TNRC6A: variants seen among roughly 807,000 people sequenced by gnomAD.
TNRC6A encodes trinucleotide repeat-containing gene 6A protein.
A neutral mutation model predicts 221.2 loss-of-function variants in TNRC6A; 44 were observed. That is an observed-to-expected ratio of 0.20 (90% confidence interval 0.16 to 0.26). TNRC6A has a LOEUF of 0.26. Ranked by LOEUF, TNRC6A falls within the 10% of genes least tolerant of loss-of-function variation. The probability of loss-of-function intolerance (pLI) is 1.00; values close to 1 mark genes in which losing one functional copy is unlikely to be tolerated. For missense variants in TNRC6A, 2,199 were observed against 2,404.4 expected, an observed-to-expected ratio of 0.91 and a Z score of 1.79; for synonymous variants, 847 against 838.5, an observed-to-expected ratio of 1.01 and a Z score of -0.18.
chr16:24,693,594 C>T (rs2055798999), intron 2 of TNRC6A, among the ~76,000 whole-genome samples: 1 of 150,308 alleles, frequency 6.7e-6, no homozygotes. Context: ...TCTCAAAATA[C>T]ATAAACAAAT....
intron 5 of TNRC6A, among the ~76,000 whole-genome samples, chr16:24,779,161 T>C (rs1296203757): frequency 3.3e-5 from 5 of 152,112 alleles, no homozygotes; most frequent in Non-Finnish European, 7.4e-5. Context: ...GGTGTGGGCA[T>C]AGGAAGAAGC....
intron 8 of TNRC6A, among the ~76,000 whole-genome samples, chr16:24,795,197 C>T (rs1381187205): frequency 6.6e-6 from 1 of 152,166 alleles, no homozygotes; most frequent in African/African-American, 2.4e-5. Context: ...ATGATCTGAG[C>T]TTGGTTTTGC....
intron 15 of TNRC6A, 74 bp from the exon 16 acceptor site, chr16:24,806,132 C>A: frequency 1.9e-6 from 3 of 1,553,340 alleles, no homozygotes; most frequent in South Asian, 1.2e-5. Context: ...GTAGGTCCAT[C>A]TGCTGTCGTC....
chr16:24,790,108 A>G lies in TNRC6A; in HGVS notation c.1466A>G (p.Asn489Ser), dbSNP rs139616829. Residue 489 changes from asparagine to serine, a missense_variant, in exon 6 of 25, where the codon AAT becomes AGT. This residue lies in a region of TNRC6A where 1,405 missense variants were observed against 1,400.2 expected (regional missense o/e 1.00). Coordinates refer to ENST00000395799, the MANE Select transcript of TNRC6A (RefSeq NM_014494.4). ...GGGGCCTGGCGTGTGAGCACAATGA[A>G]TCATCCTCAGATGCAGGCTCCATCA... ...NTGAWRVSTMNHPQMQAPSGM... is the reference protein window; with the variant it reads ...NTGAWRVSTMSHPQMQAPSGM... 31 of 1,614,188 alleles carry G rather than the reference A, an allele frequency of 1.9e-5. No individual in the cohort carries two copies. In the African/African-American group the frequency reaches 3.6e-4, roughly 19 times the overall value.
intron 2 of TNRC6A, among the ~76,000 whole-genome samples, chr16:24,735,279 G>T (rs542114652): frequency 6.6e-6 from 1 of 152,194 alleles, no homozygotes; most frequent in South Asian, 2.1e-4. Flanking sequence ...ACTCTGTTTC[G>T]AAAGAAAGAA....
intron 1 of TNRC6A, among the ~76,000 whole-genome samples, chr16:24,610,738 T>C (rs1465461728): frequency 6.6e-6 from 1 of 151,998 alleles, no homozygotes; most frequent in African/African-American, 2.4e-5. Context: ...TCCGAGCCTC[T>C]CCTCTCTCTA....
intron 3 of TNRC6A, among the ~76,000 whole-genome samples, chr16:24,752,489 A>G (rs1432739331): frequency 6.6e-6 from 1 of 152,078 alleles, no homozygotes; most frequent in Non-Finnish European, 1.5e-5. Flanking sequence ...ATGCATAGGT[A>G]TATGCCATGG....
At chr16:24,611,430 T>C (rs1368213132) in intron 1 of TNRC6A, among the ~76,000 whole-genome samples, 1 of 152,126 alleles carries the variant, frequency 6.6e-6, no homozygotes, top group Non-Finnish European at 1.5e-5. Context: ...GTTTCTTGGC[T>C]CCACACCCCA....
chr16:24,660,258 G>A (rs1300706737), intron 2 of TNRC6A, among the ~76,000 whole-genome samples: 3 of 151,934 alleles, frequency 2.0e-5, no homozygotes, highest in Admixed American at 6.6e-5. Flanking sequence ...AGTCCCCAAA[G>A]TCCCTTGTGT....
upstream of TNRC6A, among the ~76,000 whole-genome samples, chr16:24,724,985 G>A (rs2056468462): frequency 6.6e-6 from 1 of 152,070 alleles, no homozygotes; most frequent in Non-Finnish European, 1.5e-5. Flanking sequence ...AGTAAGAGAA[G>A]GAGGAGAAGT....
chr16:24,825,982 C>G lies in TNRC6A; in HGVS notation c.*2175C>G, dbSNP rs1445964771. 1 of 152,656 alleles carries G rather than the reference C, an allele frequency of 6.6e-6. No homozygotes were observed. Among genetic ancestry groups the G allele is most frequent in the Non-Finnish European group, 1.5e-5 (1 of 68,052 alleles). 9.5% of individuals were successfully genotyped at this position (152,656 alleles called of 1,614,324 possible). ...TGAGCTAATGTTGTCGGACACCTTACTATAAGCAAATGTTATTCAGTGCGT... is the reference window on the plus strand; with the variant it reads ...TGAGCTAATGTTGTCGGACACCTTAGTATAAGCAAATGTTATTCAGTGCGT... On this transcript the variant is annotated 3_prime_UTR_variant, in exon 25 of 25. Transcript: ENST00000395799.
chr16:24,756,772 C>T (rs995254485), intron 3 of TNRC6A, among the ~76,000 whole-genome samples: 2 of 152,098 alleles, frequency 1.3e-5, no homozygotes, highest in Non-Finnish European at 2.9e-5. Flanking sequence ...GGATAACAGG[C>T]GTGAGCTGCA....
chr16:24,804,476 C>T (rs941066467), intron 12 of TNRC6A, 157 bp downstream of exon 12: 2 of 1,102,710 alleles, frequency 1.8e-6, no homozygotes, highest in African/African-American at 3.2e-5. Context: ...CTTTTTATGT[C>T]TCAATTTATC....
At chr16:24,664,526 A>AAT (rs945633005) in intron 2 of TNRC6A, among the ~76,000 whole-genome samples, 1 of 143,232 alleles carries the variant, frequency 7.0e-6, no homozygotes, top group Non-Finnish European at 1.5e-5. Context: ...TAATAAATAT[A>AAT]ATATATATAT....
chr16:24,781,043 C>CTTTTTTTTTTTTTTTTTTTTTT (rs35502747), intron 5 of TNRC6A, among the ~76,000 whole-genome samples: 2 of 53,426 alleles, frequency 3.7e-5, no homozygotes, highest in African/African-American at 1.8e-4. Context: ...CCTCCATACT[C>CTTTTTTTTTTTTTTTTTTTTTT]TTTTTTTTTT....
chr16:24,819,729 G>C, intron 21 of TNRC6A: 1 of 196,958 alleles, frequency 5.1e-6, no homozygotes, highest in Non-Finnish European at 1.0e-5. Context: ...TCCTGAGTTG[G>C]GGCTCTTTTG....
intron 1 of TNRC6A, among the ~76,000 whole-genome samples, chr16:24,636,924 A>G (rs1434362873): frequency 6.6e-6 from 1 of 152,202 alleles, no homozygotes; most frequent in Non-Finnish European, 1.5e-5. Context: ...TTTCACATCT[A>G]TATTCATGGC....
rs1030191930 is a variant in TNRC6A, at chr16:24,652,387, G to A, written n.402+11378G>A. On this transcript the variant is annotated intron_variant and non_coding_transcript_variant, in intron 2 of 2. Coordinates refer to the TNRC6A transcript ENST00000566108. Reference sequence around the variant, plus strand: ...AAAAAGAAGATACAGAAATTATATGGTGGCCTTTCTGTAAACTGAAACTGG... The same window carrying A: ...AAAAAGAAGATACAGAAATTATATGATGGCCTTTCTGTAAACTGAAACTGG... Among the ~76,000 whole-genome samples, 10 of 152,254 alleles carry A rather than the reference G, an allele frequency of 6.6e-5. No homozygotes were observed. In the South Asian group the frequency reaches 2.1e-3, roughly 32 times the overall value.
intron 1 of TNRC6A, among the ~76,000 whole-genome samples, chr16:24,623,189 A>AC (rs200366623): frequency 0.041 from 6,080 of 148,232 alleles, 390 homozygotes; most frequent in African/African-American, 0.14. Flanking sequence ...TTATTTATTT[A>AC]TTTACTTATT....
Sources: allele counts gnomAD v4.1 joint callset (sites outside exome capture counted in the v4.1 genomes callset), GRCh38; gene constraint gnomAD v4.1.1; regional missense constraint gnomAD v4.1.1; transcripts MANE v1.5; gene names NCBI Gene and HGNC (gene_info 2026-07-23, HGNC 2026-07-21).